The following TMEM178B variants were observed in gnomAD, a reference collection of about 807,000 sequenced individuals.
TMEM178B encodes the protein transmembrane protein 178B.
A neutral mutation model predicts 31.0 loss-of-function variants in TMEM178B; 5 were observed. That is an observed-to-expected ratio of 0.16 (90% CI 0.08 to 0.34). TMEM178B has a LOEUF of 0.34. TMEM178B is among the 10% of genes least tolerant of loss of function. The pLI, the probability that TMEM178B is intolerant of heterozygous loss-of-function variation, is 1.00. For missense variants in TMEM178B, 275 were observed against 400.3 expected, an observed-to-expected ratio of 0.69 and a Z score of 2.67; for synonymous variants, 164 against 164.0, an observed-to-expected ratio of 1.00 and a Z score of 0.00.
chr7:141,212,714 C>T lies in TMEM178B; in HGVS notation c.496+10C>T, dbSNP rs1407277646. 1.3e-6 allele frequency: 2 copies of T among 1,530,838 alleles called. No individual in the cohort carries two copies. The highest frequency in any genetic ancestry group is 2.7e-5 in the African/African-American group (2 of 73,032). 94.8% of individuals were successfully genotyped at this position (1,530,838 alleles called of 1,614,324 possible). ...GAGTGGCATGCCCTACGTAAGTGCACCTGAGTCTCAGTGGCTGTGACTGTG... is the reference window on the plus strand; with the variant it reads ...GAGTGGCATGCCCTACGTAAGTGCATCTGAGTCTCAGTGGCTGTGACTGTG... On this transcript the variant is annotated intron_variant, in intron 2 of 3. Transcript: ENST00000565468.
chr7:141,337,026 TCAC>T (rs1364878528), intron 2 of TMEM178B, among the ~76,000 whole-genome samples: 17 of 25,426 alleles, frequency 6.7e-4, no homozygotes, highest in African/African-American at 8.5e-4. Flanking sequence ...ATCACCACCA[TCAC>T]CACCACCACC....
intron 1 of TMEM178B, among the ~76,000 whole-genome samples, chr7:141,185,217 G>A (rs924528925): frequency 7.2e-5 from 11 of 152,228 alleles, no homozygotes; most frequent in African/African-American, 2.4e-4. Context: ...CCGTCCGTAG[G>A]TGGCTTGTGT....
At chr7:141,118,139 G>A (rs1795350105) in intron 1 of TMEM178B, among the ~76,000 whole-genome samples, 1 of 152,246 alleles carries the variant, frequency 6.6e-6, no homozygotes, top group Admixed American at 6.5e-5. Flanking sequence ...CAGCACTGCA[G>A]ATGTTTCTGT....
chr7:141,393,088 T>C (rs1266788409), intron 2 of TMEM178B, among the ~76,000 whole-genome samples: 1 of 152,166 alleles, frequency 6.6e-6, no homozygotes, highest in Admixed American at 6.5e-5. Flanking sequence ...ATTCACAGTA[T>C]GTATGATAAC....
At chr7:141,396,007 C>G (rs1800630626) in intron 2 of TMEM178B, among the ~76,000 whole-genome samples, 1 of 152,046 alleles carries the variant, frequency 6.6e-6, no homozygotes. Flanking sequence ...TTATCTTCAC[C>G]CTTAGTCATT....
intron 2 of TMEM178B, among the ~76,000 whole-genome samples, chr7:141,336,246 C>T (rs1395392353): frequency 6.6e-6 from 1 of 152,128 alleles, no homozygotes; most frequent in Non-Finnish European, 1.5e-5. Flanking sequence ...TCTACTCCTG[C>T]CCACGTGTAA....
At chr7:141,508,441 A>C in the TMEM178B span, among the ~76,000 whole-genome samples, 1,419 of 152,078 alleles carry the variant, frequency 9.3e-3, 30 homozygotes, top group East Asian at 0.029. Flanking sequence ...AGCCCTCCAA[A>C]CTGTTCCAAC....
intron 2 of TMEM178B, among the ~76,000 whole-genome samples, chr7:141,320,494 T>C (rs1366692226): frequency 6.6e-6 from 1 of 152,158 alleles, no homozygotes; most frequent in Non-Finnish European, 1.5e-5. Context: ...GTTCAAAGGC[T>C]GTGTCTTTCT....
chr7:141,281,514 C>T (rs1359458512), intron 2 of TMEM178B, among the ~76,000 whole-genome samples: 2 of 152,096 alleles, frequency 1.3e-5, no homozygotes, highest in Non-Finnish European at 2.9e-5. Flanking sequence ...GACTGCAGGG[C>T]GTGATACTGG....
chr7:141,329,615 G>A (rs946571716), intron 2 of TMEM178B, among the ~76,000 whole-genome samples: 1 of 152,180 alleles, frequency 6.6e-6, no homozygotes, highest in Admixed American at 6.6e-5. Flanking sequence ...TAGTTGTACT[G>A]AATGGCTAGC....
At chr7:141,417,385 G>A (rs1012952440) in intron 2 of TMEM178B, among the ~76,000 whole-genome samples, 7 of 152,268 alleles carry the variant, frequency 4.6e-5, no homozygotes, top group African/African-American at 1.7e-4. Flanking sequence ...CTGGACCAGC[G>A]GCCTTCTCAA....
intron 2 of TMEM178B, among the ~76,000 whole-genome samples, chr7:141,339,363 C>G (rs910646315): frequency 6.6e-6 from 1 of 152,212 alleles, no homozygotes; most frequent in South Asian, 2.1e-4. Context: ...CAGATGGGCT[C>G]ACGTGGGGCA....
At chr7:141,348,675 G>T (rs1241048451) in intron 2 of TMEM178B, among the ~76,000 whole-genome samples, 1 of 152,186 alleles carries the variant, frequency 6.6e-6, no homozygotes, top group Non-Finnish European at 1.5e-5. Context: ...CCTTAACTAG[G>T]TTACAAAGAA....
intron 2 of TMEM178B, among the ~76,000 whole-genome samples, chr7:141,248,753 C>T (rs781499592): frequency 6.6e-6 from 1 of 152,142 alleles, no homozygotes; most frequent in African/African-American, 2.4e-5. Flanking sequence ...CTGGGTGAGT[C>T]GGTGAGTGAA....
chr7:141,077,930 C>T (rs1005862592), intron 1 of TMEM178B, among the ~76,000 whole-genome samples: 3 of 152,120 alleles, frequency 2.0e-5, no homozygotes, highest in African/African-American at 4.8e-5. Flanking sequence ...TTTTGGATAA[C>T]ATGTCACTAA....
chr7:141,378,005 C>T (rs1800250260), intron 2 of TMEM178B, among the ~76,000 whole-genome samples: 1 of 152,136 alleles, frequency 6.6e-6, no homozygotes. Flanking sequence ...CACTAATGTC[C>T]CTTTTCTGTT....
At chr7:141,509,115 A>G in the TMEM178B span, among the ~76,000 whole-genome samples, 1 of 152,238 alleles carries the variant, frequency 6.6e-6, no homozygotes, top group Admixed American at 6.5e-5. Flanking sequence ...TTACATGTGT[A>G]CATTCATAGA....
intron 1 of TMEM178B, among the ~76,000 whole-genome samples, chr7:141,141,011 C>T (rs1312603624): frequency 1.3e-5 from 2 of 152,172 alleles, no homozygotes; most frequent in Non-Finnish European, 2.9e-5. Context: ...ACACAGCCCA[C>T]CCTAAGGAGT....
intron 2 of TMEM178B, among the ~76,000 whole-genome samples, chr7:141,225,128 G>A (rs150682724): frequency 5.5e-4 from 84 of 152,274 alleles, no homozygotes; most frequent in African/African-American, 2.0e-3. Context: ...ACTTCCCCCA[G>A]AGCTACAAGA....
Sources: allele counts gnomAD v4.1 joint callset (sites outside exome capture counted in the v4.1 genomes callset), GRCh38; gene constraint gnomAD v4.1.1; transcripts MANE v1.5; gene names NCBI Gene and HGNC (gene_info 2026-07-23, HGNC 2026-07-21).